Variants in AIG1 observed in about 807,000 individuals in gnomAD.
The protein encoded by AIG1 is androgen induced 1.
In AIG1, 23 loss-of-function variants were observed where a neutral mutation model predicts 31.4. The observed-to-expected ratio is 0.73, with a 90% CI of 0.53 to 1.04. The LOEUF is 1.04. AIG1 is among the 50% of genes least tolerant of loss of function. AIG1 has a pLI of 0.00. For synonymous variants in AIG1, 100 were observed against 110.5 expected (o/e 0.90, Z 0.60); for missense variants, 274 against 295.0 (o/e 0.93, Z 0.52).
At chr6:143,069,115 A>G (rs1225782896) in intron 1 of AIG1, among the ~76,000 whole-genome samples, 2 of 151,782 alleles carry the variant, frequency 1.3e-5, no homozygotes, top group Non-Finnish European at 2.9e-5. Context: ...CCTAGGTTCA[A>G]GTGACTCTCC....
At chr6:143,165,620 C>T (rs574518938) in intron 3 of AIG1, among the ~76,000 whole-genome samples, 7 of 152,302 alleles carry the variant, frequency 4.6e-5, no homozygotes, top group Admixed American at 2.6e-4. Flanking sequence ...CAGTTTCCCT[C>T]AGATGGGCAG....
At chr6:143,189,167 C>G (rs910333332) in intron 3 of AIG1, 1 of 502,240 alleles carries the variant, frequency 2.0e-6, no homozygotes, top group African/African-American at 2.1e-5. Flanking sequence ...CCTCAGCCCC[C>G]CAAGTAGCTG....
intron 4 of AIG1, among the ~76,000 whole-genome samples, chr6:143,296,445 A>C (rs1383942512): frequency 6.6e-6 from 1 of 152,156 alleles, no homozygotes; most frequent in Non-Finnish European, 1.5e-5. Flanking sequence ...GACTCAGAAC[A>C]TATTCTCTTG....
chr6:143,341,819 T>C (rs756432207), downstream of AIG1, among the ~76,000 whole-genome samples: 4 of 152,252 alleles, frequency 2.6e-5, no homozygotes, highest in African/African-American at 4.8e-5. Context: ...TGATAAATTA[T>C]TGTAAGCTTA....
At chr6:143,313,522 G>GATA (rs940277911) in intron 4 of AIG1, among the ~76,000 whole-genome samples, 7 of 152,100 alleles carry the variant, frequency 4.6e-5, no homozygotes, top group African/African-American at 1.2e-4. Flanking sequence ...AACTTATGGA[G>GATA]ATAGGTAGTG....
Position 143,327,538 on chromosome 6 carries a change from G to A in AIG1, c.516-5744G>A. The A allele has an allele frequency of 5.2e-6, 2 of 382,364 alleles. No individual in the cohort carries two copies. The highest frequency in any genetic ancestry group is 4.6e-5 in the South Asian group (2 of 43,154). The allele number at this position is 382,364 out of a possible 1,614,324, so 23.7% of individuals were successfully genotyped here. A position where few individuals can be genotyped will look rare whatever the true frequency, so the allele number is the denominator to read the frequency against. On this transcript the variant is annotated intron_variant, in intron 4 of 5. Coordinates refer to ENST00000357847, the MANE Select transcript of AIG1 (RefSeq NM_016108.4). The surrounding 1 kb of genome is among the most constrained non-coding windows in gnomAD (Gnocchi z 5.3). Reference sequence around the variant, plus strand: ...ATGTCCCATACTGTAACCATGTGTGGTTGTCCAGAAAATATTCTGAGGATG... The same window carrying A: ...ATGTCCCATACTGTAACCATGTGTGATTGTCCAGAAAATATTCTGAGGATG...
intron 1 of AIG1, among the ~76,000 whole-genome samples, chr6:143,075,292 T>C (rs1777631538): frequency 6.6e-6 from 1 of 152,126 alleles, no homozygotes; most frequent in Non-Finnish European, 1.5e-5. Flanking sequence ...TTTCATTGAT[T>C]TCTCTCTTTT....
chr6:143,177,352 C>G (rs993795195), intron 3 of AIG1, among the ~76,000 whole-genome samples: 1 of 152,148 alleles, frequency 6.6e-6, no homozygotes, highest in Admixed American at 6.5e-5. Flanking sequence ...GAAGGTATCA[C>G]GTTTCCTTAC....
chr6:143,163,988 C>T (rs1292877184), intron 2 of AIG1, among the ~76,000 whole-genome samples: 1 of 152,144 alleles, frequency 6.6e-6, no homozygotes, highest in Non-Finnish European at 1.5e-5. Flanking sequence ...ACTGCCTCTA[C>T]CTGCCACCTA....
chr6:143,098,747 A>G (rs1780006930), intron 1 of AIG1, among the ~76,000 whole-genome samples: 1 of 152,192 alleles, frequency 6.6e-6, no homozygotes, highest in Admixed American at 6.5e-5. Flanking sequence ...CCCATCATCC[A>G]AGACTTTTGT....
intron 3 of AIG1, among the ~76,000 whole-genome samples, chr6:143,216,098 A>G (rs1372032177): frequency 2.6e-5 from 4 of 151,788 alleles, no homozygotes; most frequent in Admixed American, 1.3e-4. Context: ...ACCCTAATGA[A>G]CACATCTTAT....
intron 3 of AIG1, among the ~76,000 whole-genome samples, chr6:143,216,986 G>A (rs1271684414): frequency 1.3e-5 from 2 of 152,208 alleles, no homozygotes; most frequent in African/African-American, 4.8e-5. Flanking sequence ...AGGGTTCTAT[G>A]ACTAGTTAGC....
At position 143,330,445 on chromosome 6, in the gene AIG1, A is replaced by G. The variant is rs540442877; in HGVS notation, c.516-2837A>G. 2.0e-5 allele frequency among the ~76,000 whole-genome samples: 3 copies of G among 152,262 alleles called. No individual in the cohort carries two copies. The highest frequency in any genetic ancestry group is 2.0e-4 in the Admixed American group (3 of 15,290). On this transcript the variant is annotated intron_variant, in intron 4 of 5. Coordinates refer to ENST00000357847, the MANE Select transcript of AIG1 (RefSeq NM_016108.4). The surrounding 1 kb of genome is among the most constrained non-coding windows in gnomAD (Gnocchi z 4.4). Reference sequence around the variant, plus strand: ...GGAGTATTGTTCTGGGCAGGGGAATAATACAAAAGCCTGGAGGCAGAGAGA... The same window carrying G: ...GGAGTATTGTTCTGGGCAGGGGAATGATACAAAAGCCTGGAGGCAGAGAGA...
At chr6:143,319,323 C>T (rs9390082) in intron 4 of AIG1, among the ~76,000 whole-genome samples, 59,835 of 151,982 alleles carry the variant, frequency 0.39, 12,160 homozygotes, top group South Asian at 0.6. Context: ...ATGGCATTCG[C>T]AGCAACTTGG....
At chr6:143,085,703 C>T (rs757626539) in intron 1 of AIG1, among the ~76,000 whole-genome samples, 5 of 152,196 alleles carry the variant, frequency 3.3e-5, no homozygotes, top group Non-Finnish European at 7.3e-5. Flanking sequence ...GTGCAAACAG[C>T]TCAGACATTT....
rs1777215926 is a variant in AIG1 at position 143,333,210 on chromosome 6, T to G, written c.516-72T>G. The G allele has an allele frequency of 7.1e-7, 1 of 1,418,344 alleles. No individual in the cohort carries two copies. The highest frequency in any genetic ancestry group is 9.4e-7 in the Non-Finnish European group (1 of 1,062,320). The allele number at this position is 1,418,344 out of a possible 1,614,324, so 87.9% of individuals were successfully genotyped here. Reference sequence around the variant, plus strand: ...TGGGGAGAGTGAGGGAGTGTATATTTGCATCATAGCAGCTTTGATGCCTGC... The same window carrying G: ...TGGGGAGAGTGAGGGAGTGTATATTGGCATCATAGCAGCTTTGATGCCTGC... On this transcript the variant is annotated intron_variant, in intron 4 of 5. Coordinates refer to ENST00000357847, the MANE Select transcript of AIG1 (RefSeq NM_016108.4). The surrounding 1 kb of genome is among the most constrained non-coding windows in gnomAD (Gnocchi z 4.6).
Position 143,188,911 on chromosome 6 carries a change from C to T in AIG1, c.399+23728C>T, listed in dbSNP as rs944811921. On this transcript the variant is annotated intron_variant, in intron 3 of 5. Coordinates refer to ENST00000357847, the MANE Select transcript of AIG1 (RefSeq NM_016108.4). ...TAAAGTGTATTCAGTAAAATTAATGCGTTTTTTTCTTAAAAGCTCAAGCCT... is the reference window on the plus strand; with the variant it reads ...TAAAGTGTATTCAGTAAAATTAATGTGTTTTTTTCTTAAAAGCTCAAGCCT... 1.4e-4 allele frequency: 137 copies of T among 984,508 alleles called. 1 individual carries two copies. The highest frequency in any genetic ancestry group is 1.5e-4 in the Non-Finnish European group (125 of 829,202). 61.0% of individuals were successfully genotyped at this position (984,508 alleles called of 1,614,324 possible).
chr6:143,117,261 G>A (rs1238378496), intron 1 of AIG1, among the ~76,000 whole-genome samples: 1 of 152,102 alleles, frequency 6.6e-6, no homozygotes, highest in Non-Finnish European at 1.5e-5. Context: ...GGAAGGGCCT[G>A]TGGGACATGT....
chr6:143,278,050 G>A (rs373776908), intron 3 of AIG1, among the ~76,000 whole-genome samples: 3 of 152,162 alleles, frequency 2.0e-5, no homozygotes, highest in African/African-American at 7.2e-5. Context: ...GTAGTTTATA[G>A]GTCATTCATT....
Sources: allele counts gnomAD v4.1 joint callset (sites outside exome capture counted in the v4.1 genomes callset), GRCh38; gene constraint gnomAD v4.1.1; non-coding constraint Gnocchi (gnomAD v3.1); transcripts MANE v1.5; gene names NCBI Gene and HGNC (gene_info 2026-07-23, HGNC 2026-07-21).